CACNA2D3: variants seen among roughly 807,000 people sequenced by gnomAD.
The protein encoded by CACNA2D3 is voltage-dependent calcium channel subunit alpha-2/delta-3.
CACNA2D3 carries 60 observed loss-of-function variants against 160.6 expected under a neutral mutation model. The ratio of observed to expected loss-of-function variants is 0.37; its 90% CI spans 0.30 to 0.46. The LOEUF (loss-of-function observed/expected upper bound fraction) is 0.46. Ranked by LOEUF, CACNA2D3 falls within the 20% of genes least tolerant of loss-of-function variation. The pLI, the probability that CACNA2D3 is intolerant of heterozygous loss-of-function variation, is 1.00. For missense variants in CACNA2D3, 1,205 were observed against 1,365.0 expected (o/e 0.88, Z 1.85); for synonymous variants, 558 against 492.9 (o/e 1.13, Z -1.75).
chr3:54,714,470 A>G (rs1701014132), intron 11 of CACNA2D3, among the ~76,000 whole-genome samples: 1 of 152,174 alleles, frequency 6.6e-6, no homozygotes, highest in Non-Finnish European at 1.5e-5. Flanking sequence ...AGCCACTCTC[A>G]GGATTCCTTC....
chr3:54,499,684 A>AT (rs995718665), intron 4 of CACNA2D3, among the ~76,000 whole-genome samples: 1 of 151,868 alleles, frequency 6.6e-6, no homozygotes, highest in Admixed American at 6.6e-5. Context: ...ATATTTTGGG[A>AT]TTTTTTTCAG....
At chr3:54,327,154 C>G (rs1320751042) in intron 3 of CACNA2D3, among the ~76,000 whole-genome samples, 2 of 152,176 alleles carry the variant, frequency 1.3e-5, no homozygotes, top group Non-Finnish European at 2.9e-5. Context: ...CCAAATGGGC[C>G]CAGGGTTTCC....
In CACNA2D3 at chr3:54,478,281, T is replaced by C. The variant is rs117220017; in HGVS notation, c.382-25211T>C. Among the ~76,000 whole-genome samples, 133 of 152,240 alleles carry C rather than the reference T, an allele frequency of 8.7e-4. 3 individuals are homozygous for C. The East Asian group carries it at 0.023, about 27-fold the overall frequency. The stretch of plus-strand genomic sequence containing the variant: ...CTCTTTGTATCTGCAGTTTCAGTTA[T>C]CTGAGGTGAACCATGGTCTGAAAAT... On this transcript the variant is annotated intron_variant, in intron 4 of 37. Transcript: ENST00000474759.
intron 2 of CACNA2D3, among the ~76,000 whole-genome samples, chr3:54,310,097 A>G (rs1011408145): frequency 6.6e-6 from 1 of 152,100 alleles, no homozygotes; most frequent in Non-Finnish European, 1.5e-5. Flanking sequence ...AGCATTAACA[A>G]TGGACATTTT....
At position 54,644,595 on chromosome 3, in the gene CACNA2D3, A is replaced by G. The variant is rs116390880; in HGVS notation, c.1167+2354A>G. Among the ~76,000 whole-genome samples, 988 of 152,318 alleles carry G rather than the reference A, an allele frequency of 6.5e-3. 10 individuals are homozygous for G. The highest frequency in any genetic ancestry group is 0.011 in the Non-Finnish European group (750 of 68,026). ...AGAGAGTTGTGCCATGTTGTAATTGACAATCTTCAAGATTGTAAAAATGGG... is the reference window on the plus strand; with the variant it reads ...AGAGAGTTGTGCCATGTTGTAATTGGCAATCTTCAAGATTGTAAAAATGGG... On this transcript the variant is annotated intron_variant, in intron 11 of 37. Coordinates refer to ENST00000474759, the MANE Select transcript of CACNA2D3 (RefSeq NM_018398.3).
chr3:54,550,316 T>C (rs1575339699), intron 5 of CACNA2D3, among the ~76,000 whole-genome samples: 1 of 152,146 alleles, frequency 6.6e-6, no homozygotes, highest in South Asian at 2.1e-4. Context: ...GGCTGTGTGG[T>C]GTTTCCTTGC....
chr3:54,391,444 G>A (rs1699278665), intron 4 of CACNA2D3, among the ~76,000 whole-genome samples: 1 of 152,030 alleles, frequency 6.6e-6, no homozygotes, highest in Non-Finnish European at 1.5e-5. Context: ...CCAAAATGCA[G>A]AATCCTCCAT....
chr3:54,907,098 C>A (rs1172758514), intron 27 of CACNA2D3, among the ~76,000 whole-genome samples: 2 of 152,216 alleles, frequency 1.3e-5, no homozygotes, highest in Non-Finnish European at 2.9e-5. Flanking sequence ...GCCCTCCACT[C>A]AAAAATGAGC....
At chr3:54,807,233 A>G (rs892454560) in intron 13 of CACNA2D3, among the ~76,000 whole-genome samples, 1 of 152,218 alleles carries the variant, frequency 6.6e-6, no homozygotes, top group African/African-American at 2.4e-5. Context: ...GAGCTTCTGC[A>G]CAGCGAAAGA....
rs147046170 is a variant in CACNA2D3, at chr3:54,285,819, G to C, written c.205-34623G>C. On this transcript the variant is annotated intron_variant, in intron 2 of 37. Transcript: ENST00000474759. ...GCGCTGCTGATACCCTGGCAAACAGGGTCTGGAGTGGACCTCTAGCACACT... is the reference window on the plus strand; with the variant it reads ...GCGCTGCTGATACCCTGGCAAACAGCGTCTGGAGTGGACCTCTAGCACACT... Among the ~76,000 whole-genome samples, 93 of 152,314 alleles carry C rather than the reference G, an allele frequency of 6.1e-4. 1 individual carries two copies. The highest frequency in any genetic ancestry group is 2.2e-3 in the African/African-American group (92 of 41,566).
intron 2 of CACNA2D3, among the ~76,000 whole-genome samples, chr3:54,170,624 C>T (rs190354406): frequency 2.0e-4 from 30 of 152,268 alleles, no homozygotes; most frequent in African/African-American, 6.3e-4. Context: ...CTACCTCCCT[C>T]CCTCCCTCCT....
intron 24 of CACNA2D3, among the ~76,000 whole-genome samples, chr3:54,889,110 A>G (rs1182542189): frequency 6.6e-6 from 1 of 152,166 alleles, no homozygotes; most frequent in Non-Finnish European, 1.5e-5. Context: ...GGAGGAATTT[A>G]AAGAAGGTGG....
chr3:54,834,172 G>C (rs930950974), intron 14 of CACNA2D3, among the ~76,000 whole-genome samples: 2 of 152,176 alleles, frequency 1.3e-5, no homozygotes, highest in Non-Finnish European at 2.9e-5. Context: ...ACAATTACTA[G>C]TAATTTATAA....
At chr3:54,654,316 G>T (rs1699835723) in intron 11 of CACNA2D3, among the ~76,000 whole-genome samples, 1 of 152,144 alleles carries the variant, frequency 6.6e-6, no homozygotes, top group East Asian at 1.9e-4. Context: ...TCCGGGGCTT[G>T]GCAAAGAGTG....
chr3:55,068,552 C>A (rs1280314172), intron 35 of CACNA2D3, among the ~76,000 whole-genome samples: 1 of 152,064 alleles, frequency 6.6e-6, no homozygotes, highest in Non-Finnish European at 1.5e-5. Flanking sequence ...TTTCTTGTTT[C>A]TCTGTAGCAG....
chr3:54,698,862 A>C (rs1297606526), intron 11 of CACNA2D3, among the ~76,000 whole-genome samples: 2 of 152,144 alleles, frequency 1.3e-5, no homozygotes, highest in Admixed American at 6.6e-5. Context: ...GTTTTCCCCA[A>C]ATGTAACCAT....
chr3:55,043,405 A>G (rs773655764), intron 35 of CACNA2D3, among the ~76,000 whole-genome samples: 7 of 149,546 alleles, frequency 4.7e-5, no homozygotes, highest in East Asian at 2.0e-4. Context: ...TTCCATGACG[A>G]ATAATGATTT....
At chr3:54,848,831 C>T (rs1324674579) in intron 17 of CACNA2D3, among the ~76,000 whole-genome samples, 1 of 152,146 alleles carries the variant, frequency 6.6e-6, no homozygotes, top group African/African-American at 2.4e-5. Flanking sequence ...CCTGCCATAA[C>T]CATAGTGCAT....
intron 9 of CACNA2D3, among the ~76,000 whole-genome samples, chr3:54,603,388 CCTTT>C (rs1703100789): frequency 6.6e-6 from 1 of 152,196 alleles, no homozygotes; most frequent in African/African-American, 2.4e-5. Flanking sequence ...CTATCCAACC[CCTTT>C]CTTTCTTTCA....
Sources: gnomAD v4.1 joint callset for allele counts (sites outside exome capture counted in the v4.1 genomes callset) on GRCh38, gnomAD v4.1.1 for gene constraint, MANE v1.5 for transcripts, NCBI Gene and HGNC (gene_info 2026-07-23, HGNC 2026-07-21) for gene names.